Variants in HS3ST4 observed in about 807,000 individuals in gnomAD.
The protein encoded by HS3ST4 is heparan sulfate glucosamine 3-O-sulfotransferase 4.
Under a neutral mutation model 29.2 loss-of-function variants are expected in HS3ST4, and 17 were observed. The ratio of observed to expected loss-of-function variants is 0.58; its 90% CI spans 0.40 to 0.87. The LOEUF is 0.87. HS3ST4 is among the 40% of genes least tolerant of loss of function. HS3ST4 has a pLI of 0.00. For synonymous variants in HS3ST4, 314 were observed against 285.7 expected, an observed-to-expected ratio of 1.10 and a Z score of -1.00; for missense variants, 627 against 634.5, an observed-to-expected ratio of 0.99 and a Z score of 0.13.
chr16:25,760,262 CAGAG>C (rs1214738392), intron 1 of HS3ST4, among the ~76,000 whole-genome samples: 1 of 152,128 alleles, frequency 6.6e-6, no homozygotes, highest in Non-Finnish European at 1.5e-5. Context: ...ATCAAAGTCT[CAGAG>C]AGGTTGGTTT....
At chr16:26,009,929 G>C (rs1220038428) in intron 1 of HS3ST4, among the ~76,000 whole-genome samples, 1 of 152,160 alleles carries the variant, frequency 6.6e-6, no homozygotes, top group African/African-American at 2.4e-5. Flanking sequence ...GCTCTGCAAA[G>C]CCAGCTTTTC....
chr16:25,955,165 G>A (rs984139442), intron 1 of HS3ST4, among the ~76,000 whole-genome samples: 1 of 152,134 alleles, frequency 6.6e-6, no homozygotes, highest in Admixed American at 6.5e-5. Context: ...TTGAGTTGCT[G>A]AACCTGTGAC....
intron 1 of HS3ST4, among the ~76,000 whole-genome samples, chr16:25,760,493 A>T (rs1396556871): frequency 1.3e-5 from 2 of 148,654 alleles, no homozygotes; most frequent in Non-Finnish European, 3.0e-5. Context: ...ATCTGGGCTC[A>T]CTGCAACCTC....
intron 1 of HS3ST4, among the ~76,000 whole-genome samples, chr16:25,701,852 A>C (rs1381011767): frequency 1.3e-5 from 2 of 152,220 alleles, no homozygotes; most frequent in African/African-American, 4.8e-5. Flanking sequence ...CTAAGAATGG[A>C]AGGATGGTTC....
At chr16:25,733,592 T>G (rs1966586887) in intron 1 of HS3ST4, among the ~76,000 whole-genome samples, 1 of 152,194 alleles carries the variant, frequency 6.6e-6, no homozygotes, top group South Asian at 2.1e-4. Context: ...ACCATGGGCT[T>G]GAACACAAGG....
chr16:26,028,099 C>G (rs894791131), intron 1 of HS3ST4, among the ~76,000 whole-genome samples: 2 of 151,546 alleles, frequency 1.3e-5, no homozygotes, highest in South Asian at 4.2e-4. Flanking sequence ...ATGGTGAAAC[C>G]CTGTCTCTAC....
At chr16:25,701,162 T>G (rs1263024457) in intron 1 of HS3ST4, among the ~76,000 whole-genome samples, 1 of 152,200 alleles carries the variant, frequency 6.6e-6, no homozygotes, top group African/African-American at 2.4e-5. Context: ...CTCACCACAG[T>G]TTAGGCAAGA....
At position 26,084,612 on chromosome 16, in the gene HS3ST4, A is replaced by AT. The variant is rs951683689; in HGVS notation, c.735-50988dup. On this transcript the variant is annotated intron_variant, in intron 1 of 1. Transcript: ENST00000331351. The stretch of plus-strand genomic sequence containing the variant: ...TGTGCCAATCAAATGGTTGAAAAAA[A>AT]TTTTTTTTTTTTGAAACAGAGACTT... Among the ~76,000 whole-genome samples, 28 of 148,536 alleles carry AT rather than the reference A, an allele frequency of 1.9e-4. 1 individual carries two copies. Among genetic ancestry groups the AT allele is most frequent in the South Asian group, 4.3e-4 (2 of 4,662 alleles).
rs748348719 is a variant in HS3ST4 at position 26,136,049 on chromosome 16, C to T, written c.1172C>T (p.Thr391Ile). Reference protein sequence around the residue: ...VTEKHFYFNKTKGFPCLKKPE... With the variant: ...VTEKHFYFNKIKGFPCLKKPE... ...GAGAAGCATTTCTATTTCAACAAAA[C>T]CAAGGGGTTCCCTTGCCTAAAGAAG... The change falls in exon 2 of 2, where the codon ACC (threonine) becomes ATC (isoleucine). Residue 391 changes from threonine (T) to isoleucine (I), a missense_variant. Physicochemically the swap from Thr to Ile is moderately conservative, Grantham distance 89. Coordinates refer to ENST00000331351, the MANE Select transcript of HS3ST4 (RefSeq NM_006040.3). 1 of 1,613,838 alleles carries T rather than the reference C, an allele frequency of 6.2e-7. No homozygotes were observed. The highest frequency in any genetic ancestry group is 8.5e-7 in the Non-Finnish European group (1 of 1,179,846).
intron 1 of HS3ST4, among the ~76,000 whole-genome samples, chr16:26,054,121 A>ATAATGT (rs1898377648): frequency 3.3e-5 from 5 of 152,172 alleles, no homozygotes; most frequent in Admixed American, 3.3e-4. Flanking sequence ...AGGTGGAGAC[A>ATAATGT]ATCCTACCAG....
intron 1 of HS3ST4, among the ~76,000 whole-genome samples, chr16:25,869,214 C>T (rs556817726): frequency 3.3e-5 from 5 of 152,140 alleles, no homozygotes; most frequent in Admixed American, 1.3e-4. Flanking sequence ...ATTTGCTCTC[C>T]GTGGAGAAAC....
intron 1 of HS3ST4, among the ~76,000 whole-genome samples, chr16:25,720,985 G>T (rs1006558915): frequency 7.2e-5 from 11 of 152,272 alleles, no homozygotes; most frequent in Middle Eastern, 3.4e-3. Context: ...GCACGTTGTT[G>T]CCCAAACAAA....
At position 25,914,744 on chromosome 16, in the gene HS3ST4, A is replaced by G. The variant is rs369331763; in HGVS notation, c.735-220868A>G. On this transcript the variant is annotated intron_variant, in intron 1 of 1. Transcript: ENST00000331351. ...TTAGCCAGAGGGAGATGAGAGCTGA[A>G]AGGCAGCGGAGGGCGGGTCTGGAGC... Among the ~76,000 whole-genome samples the G allele has an allele frequency of 1.6e-4, 24 of 151,796 alleles. No individual in the cohort carries two copies. In the East Asian group the frequency reaches 2.3e-3, roughly 15 times the overall value.
At chr16:25,819,511 C>T (rs1198389311) in intron 1 of HS3ST4, among the ~76,000 whole-genome samples, 2 of 152,148 alleles carry the variant, frequency 1.3e-5, no homozygotes, top group African/African-American at 4.8e-5. Flanking sequence ...CTTGCTTCTG[C>T]CTGCAAAAAT....
At chr16:25,902,485 C>CA (rs34506713) in intron 1 of HS3ST4, among the ~76,000 whole-genome samples, 16 of 150,410 alleles carry the variant, frequency 1.1e-4, no homozygotes, top group Middle Eastern at 3.5e-3. Context: ...GATCCTATCT[C>CA]AAAAAAAAGA....
intron 1 of HS3ST4, among the ~76,000 whole-genome samples, chr16:25,998,990 G>A (rs1969180298): frequency 6.6e-6 from 1 of 151,944 alleles, no homozygotes; most frequent in Admixed American, 6.6e-5. Context: ...GAGAAGGTAT[G>A]TTTTTTTAAG....
chr16:26,005,364 G>A (rs759594790), intron 1 of HS3ST4, among the ~76,000 whole-genome samples: 1 of 152,126 alleles, frequency 6.6e-6, no homozygotes, highest in Non-Finnish European at 1.5e-5. Context: ...TGTATTTAGC[G>A]CTGGGCTTTA....
chr16:25,864,920 A>G (rs917516783), intron 1 of HS3ST4, among the ~76,000 whole-genome samples: 2 of 147,504 alleles, frequency 1.4e-5, no homozygotes, highest in African/African-American at 5.0e-5. Flanking sequence ...CACACACACA[A>G]TGGAATATTA....
rs140795117 is a variant in HS3ST4, at chr16:26,078,316, T to C, written c.735-57296T>C. Among the ~76,000 whole-genome samples, 262 of 152,098 alleles carry C rather than the reference T, an allele frequency of 1.7e-3. 2 individuals are homozygous for C. Among genetic ancestry groups the C allele is most frequent in the African/African-American group, 5.9e-3 (245 of 41,486 alleles). ...CGACCACATCCAGATAGTTTTTTTG[T>C]GTGTGTATTTTTTAGTAGAGACAGG... On this transcript the variant is annotated intron_variant, in intron 1 of 1. Transcript: ENST00000331351.
Sources: allele counts gnomAD v4.1 joint callset (sites outside exome capture counted in the v4.1 genomes callset), GRCh38; gene constraint gnomAD v4.1.1; transcripts MANE v1.5; gene names NCBI Gene and HGNC (gene_info 2026-07-23, HGNC 2026-07-21).